Variants in PRDM6 observed in about 807,000 individuals in gnomAD.
The protein encoded by PRDM6 is putative histone-lysine N-methyltransferase PRDM6.
A neutral mutation model predicts 60.8 loss-of-function variants in PRDM6; 25 were observed. That is an observed-to-expected ratio of 0.41 (90% confidence interval 0.30 to 0.57). The LOEUF (loss-of-function observed/expected upper bound fraction) is 0.57, where lower values mean the gene tolerates loss of function less well. Among genes scored for constraint, PRDM6 ranks in the 20% least tolerant of loss-of-function variants. The pLI is 0.27. For missense variants in PRDM6, 839 were observed against 821.3 expected (o/e 1.02, Z -0.26); for synonymous variants, 407 against 357.4 (o/e 1.14, Z -1.57).
At chr5:123,130,078 T>C in intron 3 of PRDM6, among the ~76,000 whole-genome samples, 3 of 108,318 alleles carry the variant, frequency 2.8e-5, no homozygotes, top group Admixed American at 1.8e-4. Flanking sequence ...TCCCTTCCTT[T>C]CCTTTCTATT....
chr5:123,152,540 C>A (rs1471483509), intron 3 of PRDM6, among the ~76,000 whole-genome samples: 1 of 152,200 alleles, frequency 6.6e-6, no homozygotes, highest in Admixed American at 6.5e-5. Flanking sequence ...CTCAGAGCCA[C>A]CAATACACAC....
At chr5:123,106,666 G>T (rs1764203343) in intron 3 of PRDM6, among the ~76,000 whole-genome samples, 1 of 152,204 alleles carries the variant, frequency 6.6e-6, no homozygotes, top group Non-Finnish European at 1.5e-5. Context: ...GCGTGATTAT[G>T]GGTTGAGGGT....
intron 3 of PRDM6, among the ~76,000 whole-genome samples, chr5:123,113,504 T>C (rs181943035): frequency 1.3e-5 from 2 of 152,284 alleles, no homozygotes; most frequent in East Asian, 3.9e-4. Context: ...TGAAGAGCCT[T>C]GTTAGATGTA....
chr5:123,137,697 G>A (rs1430941315), intron 3 of PRDM6, among the ~76,000 whole-genome samples: 1 of 152,116 alleles, frequency 6.6e-6, no homozygotes, highest in Non-Finnish European at 1.5e-5. Context: ...TAGATGATGG[G>A]TTGATGGGTG....
chr5:123,182,604 A>G (rs897424724), intron 7 of PRDM6, among the ~76,000 whole-genome samples: 1 of 152,120 alleles, frequency 6.6e-6, no homozygotes, highest in Non-Finnish European at 1.5e-5. Context: ...TTTCCAATAG[A>G]GTTGCCATTT....
At chr5:123,147,279 AAGAG>A (rs3036135) in intron 3 of PRDM6, among the ~76,000 whole-genome samples, 36,384 of 147,526 alleles carry the variant, frequency 0.25, 5,020 homozygotes, top group Middle Eastern at 0.34. Flanking sequence ...TGATACTAAA[AAGAG>A]AGAGAGAGAG....
chr5:123,150,619 T>A (rs1257923494), intron 3 of PRDM6, among the ~76,000 whole-genome samples: 1 of 152,204 alleles, frequency 6.6e-6, no homozygotes, highest in African/African-American at 2.4e-5. Context: ...TATGCTTTCT[T>A]AAATTTCTAA....
At chr5:123,159,676 A>G in intron 5 of PRDM6, 38 bp downstream of exon 5, 3 of 1,544,704 alleles carry the variant, frequency 1.9e-6, no homozygotes, top group Non-Finnish European at 2.6e-6. Context: ...ACATTTCAAT[A>G]TACCTATTTC....
chr5:123,117,898 C>T (rs757415290), intron 3 of PRDM6, among the ~76,000 whole-genome samples: 2 of 152,292 alleles, frequency 1.3e-5, no homozygotes, highest in East Asian at 1.9e-4. Context: ...TAGGGGTGAG[C>T]CATTCATTCA....
intron 4 of PRDM6, among the ~76,000 whole-genome samples, chr5:123,158,308 ATT>A (rs374589383): frequency 6.6e-6 from 1 of 152,120 alleles, no homozygotes; most frequent in Non-Finnish European, 1.5e-5. Flanking sequence ...TCCAATTTTG[ATT>A]TTTTTATGTA....
intron 7 of PRDM6, among the ~76,000 whole-genome samples, chr5:123,182,156 A>T (rs949778528): frequency 2.0e-5 from 3 of 152,182 alleles, no homozygotes; most frequent in African/African-American, 7.2e-5. Flanking sequence ...ATCCACCCTA[A>T]GGAGCTGCAT....
intron 3 of PRDM6, among the ~76,000 whole-genome samples, chr5:123,106,890 C>T (rs1764208469): frequency 6.6e-6 from 1 of 152,244 alleles, no homozygotes; most frequent in Admixed American, 6.5e-5. Flanking sequence ...GTGGTATAGA[C>T]AGATTTCAGC....
intron 3 of PRDM6, among the ~76,000 whole-genome samples, chr5:123,120,692 T>G (rs988808974): frequency 1.3e-5 from 2 of 152,234 alleles, no homozygotes; most frequent in African/African-American, 4.8e-5. Context: ...AATTATTATC[T>G]AAACATGCCC....
chr5:123,125,841 A>G (rs1241704459), intron 3 of PRDM6, among the ~76,000 whole-genome samples: 2 of 152,242 alleles, frequency 1.3e-5, no homozygotes, highest in East Asian at 3.8e-4. Context: ...ACTGGAAGAC[A>G]CTGTCCTCTA....
At chr5:123,110,145 G>A (rs1764277199) in intron 3 of PRDM6, among the ~76,000 whole-genome samples, 1 of 151,888 alleles carries the variant, frequency 6.6e-6, no homozygotes, top group Admixed American at 6.6e-5. Context: ...AATTCCAAGT[G>A]ACACTCTGCA....
intron 3 of PRDM6, among the ~76,000 whole-genome samples, chr5:123,136,329 G>T (rs781251825): frequency 1.3e-5 from 2 of 152,048 alleles, no homozygotes; most frequent in Non-Finnish European, 2.9e-5. Context: ...TGTCCTGGTC[G>T]TTTTAATGTG....
rs1190736188 is a variant in PRDM6 at position 123,099,983 on chromosome 5, G to A, written c.900+22G>A. On this transcript the variant is annotated intron_variant, in intron 3 of 7. Coordinates refer to ENST00000407847, the MANE Select transcript of PRDM6 (RefSeq NM_001136239.4). The surrounding 1 kb of genome is among the most constrained non-coding windows in gnomAD (Gnocchi z 4.0). ...GGAGGTAAGTGGCCGGCTGCACAGC[G>A]CCTCCCCACCGAGCAGGAGCCTTGG... 6 of 1,480,754 alleles carry A rather than the reference G, an allele frequency of 4.1e-6. No homozygotes were observed. The highest frequency in any genetic ancestry group is 4.4e-5 in the Admixed American group (2 of 45,440). 91.7% of individuals were successfully genotyped at this position (1,480,754 alleles called of 1,614,324 possible). A position where few individuals can be genotyped will look rare whatever the true frequency, so the allele number is the denominator to read the frequency against.
chr5:123,128,472 G>A (rs531731813), intron 3 of PRDM6, among the ~76,000 whole-genome samples: 2 of 152,316 alleles, frequency 1.3e-5, no homozygotes, highest in African/African-American at 4.8e-5. Context: ...TAACTGGCGT[G>A]AGATGGTATC....
At chr5:123,131,438 T>C (rs1031404380) in intron 3 of PRDM6, among the ~76,000 whole-genome samples, 3 of 152,218 alleles carry the variant, frequency 2.0e-5, no homozygotes, top group African/African-American at 7.2e-5. Context: ...ATTTCACATA[T>C]ATTCTATAAA....
Sources: gnomAD v4.1 joint callset for allele counts (sites outside exome capture counted in the v4.1 genomes callset) on GRCh38, gnomAD v4.1.1 for gene constraint, Gnocchi (gnomAD v3.1) non-coding constraint, MANE v1.5 for transcripts, NCBI Gene and HGNC (gene_info 2026-07-23, HGNC 2026-07-21) for gene names.